Variants in HMCN2 observed in about 807,000 individuals in gnomAD.
HMCN2 encodes the protein hemicentin-2.
In HMCN2, 325 loss-of-function variants were observed where a neutral mutation model predicts 377.5. The ratio of observed to expected loss-of-function variants is 0.86; its 90% CI spans 0.79 to 0.94. The LOEUF is 0.94. Among genes scored for constraint, HMCN2 ranks in the 40% least tolerant of loss-of-function variants. The pLI is 0.00. For missense variants in HMCN2, 4,543 were observed against 4,725.3 expected (o/e 0.96, Z 1.13); for synonymous variants, 2,007 against 2,046.8 (o/e 0.98, Z 0.53).
At position 130,356,155 on chromosome 9, in the gene HMCN2, C is replaced by A; in HGVS notation, c.5323C>A (p.Leu1775Met). Residue 1775 changes from leucine to methionine, a missense_variant, in exon 34 of 98, where the codon CTG (leucine) becomes ATG (methionine). By Grantham distance (15) the Leu-to-Met change is conservative. Around this residue, in one of 5 missense-constraint regions of HMCN2, gnomAD observed 1,032 missense variants for 1,285.1 expected, o/e 0.80. Coordinates refer to ENST00000683500, the MANE Select transcript of HMCN2 (RefSeq NM_001291815.2). ...GVQVASQGTT[L>M]HIDHVELDHS... is the part of the protein sequence containing the mutation. ...GCAGGTGGCCTCGCAGGGGACCACA[C>A]TGCACATTGACCATGTGGAGCTGGA... is the stretch of plus-strand genomic sequence containing the variant. 7.7e-7 allele frequency: 1 copy of A among 1,302,944 alleles called. No homozygotes were observed. Among genetic ancestry groups the A allele is most frequent in the Non-Finnish European group, 1.0e-6 (1 of 988,862 alleles). 80.7% of individuals were successfully genotyped at this position (1,302,944 alleles called of 1,614,324 possible).
intron 15 of HMCN2, among the ~76,000 whole-genome samples, chr9:130,313,339 C>A (rs1281412217): frequency 6.8e-6 from 1 of 146,418 alleles, no homozygotes; most frequent in Non-Finnish European, 1.5e-5. Flanking sequence ...CTCCTCTGTG[C>A]CAGGAGGGCC....
chr9:130,400,886 C>T lies in HMCN2; in HGVS notation c.11709C>T (p.Ser3903=), dbSNP rs1302503235. 2.3e-6 allele frequency: 3 copies of T among 1,289,494 alleles called. No homozygotes were observed. The highest frequency in any genetic ancestry group is 3.0e-6 in the Non-Finnish European group (3 of 988,724). The allele number at this position is 1,289,494 out of a possible 1,614,324, so 79.9% of individuals were successfully genotyped here. Residue 3903 remains serine, a synonymous_variant, in exon 77 of 98, where the codon TCC becomes TCT. Transcript: ENST00000683500. Reference sequence around the variant, plus strand: ...CGGGTATACCAGCTCCGACCGTGTCCTGGAGCAAGGCAGGCGCCCAGCTAG... The same window carrying T: ...CGGGTATACCAGCTCCGACCGTGTCTTGGAGCAAGGCAGGCGCCCAGCTAG... The part of the protein sequence containing the change: ...HSTGIPAPTV[S]WSKAGAQLGA...
At position 130,304,276 on chromosome 9, in the gene HMCN2, C is replaced by A. The variant is rs1443621853; in HGVS notation, c.1544-454C>A. 1.3e-5 allele frequency among the ~76,000 whole-genome samples: 2 copies of A among 152,148 alleles called. No individual in the cohort carries two copies. The highest frequency in any genetic ancestry group is 4.8e-5 in the African/African-American group (2 of 41,416). On this transcript the variant is annotated intron_variant, in intron 10 of 97. Transcript: ENST00000683500. The surrounding 1 kb of genome is among the most constrained non-coding windows in gnomAD (Gnocchi z 4.3). ...TTGTGGCTTTTTGCTATCCAGATAG[C>A]AGTTTGCTTAGCGCTTTCCTCCTTG...
At chr9:130,355,241 G>A (rs948823699) in intron 32 of HMCN2, among the ~76,000 whole-genome samples, 197 bp downstream of exon 32, 1 of 152,164 alleles carries the variant, frequency 6.6e-6, no homozygotes, top group African/African-American at 2.4e-5. Context: ...GGGCAGGGTG[G>A]AGCCCCAGGA....
Position 130,370,970 on chromosome 9 carries a change from C to T in HMCN2, c.7076C>T (p.Pro2359Leu). 1 of 986,270 alleles carries T rather than the reference C, an allele frequency of 1.0e-6. No homozygotes were observed. The highest frequency in any genetic ancestry group is 1.2e-6 in the Non-Finnish European group (1 of 830,242). 61.1% of individuals were successfully genotyped at this position (986,270 alleles called of 1,614,324 possible). A position where few individuals can be genotyped will look rare whatever the true frequency, so the allele number is the denominator to read the frequency against. The change falls in exon 46 of 98, where the codon CCA (proline) becomes CTA (leucine). Residue 2359 changes from proline to leucine, a missense_variant. Around this residue, in one of 5 missense-constraint regions of HMCN2, gnomAD observed 1,032 missense variants for 1,285.1 expected, o/e 0.80. Coordinates refer to ENST00000683500, the MANE Select transcript of HMCN2 (RefSeq NM_001291815.2). ...GCTTCTTCTTTGTGTCCAGTGCCCC[C>T]AGAGCTCATTGGAGACTTGGACCCG... ...RKFELSVLVP[P>L]ELIGDLDPLT... is the part of the protein sequence containing the mutation.
chr9:130,330,247 G>C (rs1338450939), intron 22 of HMCN2, among the ~76,000 whole-genome samples: 1 of 152,070 alleles, frequency 6.6e-6, no homozygotes, highest in Non-Finnish European at 1.5e-5. Context: ...CTTCCCTGCT[G>C]AGCTGCCCCA....
Position 130,394,261 on chromosome 9 carries a change from A to T in HMCN2, c.10502-124A>T. On this transcript the variant is annotated intron_variant, in intron 68 of 97. Transcript: ENST00000683500. The surrounding 1 kb of genome is among the most constrained non-coding windows in gnomAD (Gnocchi z 5.1). ...TCTTTCCACCAAACCTTGGTGGCAG[A>T]TGCAAGAACAAGGGCCACCAAAATG... The T allele has an allele frequency of 4.8e-6, 3 of 626,936 alleles. No homozygotes were observed. The highest frequency in any genetic ancestry group is 1.8e-5 in the South Asian group (1 of 54,590). The allele number at this position is 626,936 out of a possible 1,614,324, so 38.8% of individuals were successfully genotyped here. A position where few individuals can be genotyped will look rare whatever the true frequency, so the allele number is the denominator to read the frequency against.
chr9:130,405,402 G>A (rs1279019669), intron 81 of HMCN2, among the ~76,000 whole-genome samples: 1 of 152,212 alleles, frequency 6.6e-6, no homozygotes, highest in Non-Finnish European at 1.5e-5. Flanking sequence ...TGGGTTTTGG[G>A]GAGTGTTGAG....
intron 15 of HMCN2, among the ~76,000 whole-genome samples, chr9:130,317,980 C>T (rs2131391522): frequency 1.3e-5 from 2 of 152,112 alleles, no homozygotes; most frequent in Non-Finnish European, 2.9e-5. Context: ...TTGTGGTGTT[C>T]TGCTCCAGGT....
In HMCN2 at chr9:130,377,872, G is replaced by A. The variant is rs537651728; in HGVS notation, c.8212+73G>A. ...ACATTGTGGGGCTGGCCCTCCGCAGGCCCCCACCATGTGTCCTGCAGCTCA... is the reference window on the plus strand; with the variant it reads ...ACATTGTGGGGCTGGCCCTCCGCAGACCCCCACCATGTGTCCTGCAGCTCA... On this transcript the variant is annotated intron_variant, in intron 53 of 97. Coordinates refer to ENST00000683500, the MANE Select transcript of HMCN2 (RefSeq NM_001291815.2). The A allele has an allele frequency of 4.1e-6, 4 of 966,408 alleles. No homozygotes were observed. The African/African-American group carries it at 7.0e-5, about 17-fold the overall frequency. 59.9% of individuals were successfully genotyped at this position (966,408 alleles called of 1,614,324 possible).
At chr9:130,371,423 A>AC (rs1841015687) in intron 46 of HMCN2, among the ~76,000 whole-genome samples, 1 of 151,662 alleles carries the variant, frequency 6.6e-6, no homozygotes, top group African/African-American at 2.4e-5. Flanking sequence ...AGAAAAAAAA[A>AC]AAACAAACTT....
chr9:130,358,795 T>G (rs1385633855), intron 36 of HMCN2, among the ~76,000 whole-genome samples: 1 of 152,012 alleles, frequency 6.6e-6, no homozygotes, highest in Non-Finnish European at 1.5e-5. Flanking sequence ...TGCCTCAGCC[T>G]CCCGAGCAGC....
chr9:130,420,376 T>G (rs1349275773), intron 86 of HMCN2, among the ~76,000 whole-genome samples: 1 of 152,060 alleles, frequency 6.6e-6, no homozygotes, highest in Admixed American at 6.6e-5. Context: ...GCCCGGCCCG[T>G]CCCACTTCTT....
chr9:130,430,620 G>A lies in HMCN2; in HGVS notation c.14647+16G>A. 6.5e-7 allele frequency: 1 copy of A among 1,537,086 alleles called. No homozygotes were observed. The highest frequency in any genetic ancestry group is 8.8e-7 in the Non-Finnish European group (1 of 1,137,808). ...GTCTGCACAGGTAAGGCCAGGCCCT[G>A]ACCATCCACGGGACACTGCCGTTAT... is the stretch of plus-strand genomic sequence containing the variant. On this transcript the variant is annotated intron_variant, in intron 95 of 97. Transcript: ENST00000683500.
At position 130,351,388 on chromosome 9, in the gene HMCN2, C is replaced by A; in HGVS notation, c.4431-35C>A. The A allele has an allele frequency of 7.8e-7, 1 of 1,286,952 alleles. No individual in the cohort carries two copies. The highest frequency in any genetic ancestry group is 1.0e-6 in the Non-Finnish European group (1 of 976,992). The allele number at this position is 1,286,952 out of a possible 1,614,324, so 79.7% of individuals were successfully genotyped here. A position where few individuals can be genotyped will look rare whatever the true frequency, so the allele number is the denominator to read the frequency against. ...CAGCGTGTCCCATCCAGCCCCTCGGCCTTACTGGCGCTTTTCCCTTGCCCG... is the reference window on the plus strand; with the variant it reads ...CAGCGTGTCCCATCCAGCCCCTCGGACTTACTGGCGCTTTTCCCTTGCCCG... On this transcript the variant is annotated intron_variant, in intron 29 of 97. Transcript: ENST00000683500. This position sits in a 1 kb window ranked among gnomAD's most constrained non-coding sequence, Gnocchi z 5.4.
At position 130,394,881 on chromosome 9, in the gene HMCN2, G is replaced by A. The variant is rs1368951554; in HGVS notation, c.10693-146G>A. ...CTAAAGCAACAGTGAGATGGAGGGA[G>A]AGGGCGTGGGTTGGCTGGGAGGTGG... On this transcript the variant is annotated intron_variant, in intron 69 of 97. Coordinates refer to ENST00000683500, the MANE Select transcript of HMCN2 (RefSeq NM_001291815.2). This position sits in a 1 kb window ranked among gnomAD's most constrained non-coding sequence, Gnocchi z 5.1. The A allele has an allele frequency of 2.3e-6, 1 of 426,930 alleles. No individual in the cohort carries two copies. Among genetic ancestry groups the A allele is most frequent in the Non-Finnish European group, 4.2e-6 (1 of 240,668 alleles). The allele number at this position is 426,930 out of a possible 1,614,324, so 26.4% of individuals were successfully genotyped here.
At chr9:130,346,783 G>T (rs953209951) in intron 25 of HMCN2, among the ~76,000 whole-genome samples, 1 of 152,032 alleles carries the variant, frequency 6.6e-6, no homozygotes, top group Non-Finnish European at 1.5e-5. Context: ...GCATAGACGC[G>T]TCCTCTGATC....
chr9:130,342,635 A>G (rs1406578702), intron 25 of HMCN2, among the ~76,000 whole-genome samples, 199 bp downstream of exon 25: 1 of 152,188 alleles, frequency 6.6e-6, no homozygotes, highest in Non-Finnish European at 1.5e-5. Context: ...GGGGCAATCC[A>G]GGCCCAAGGG....
At position 130,299,216 on chromosome 9, in the gene HMCN2, G is replaced by A. The variant is rs1254957712; in HGVS notation, c.1204G>A (p.Val402Met). ...CCCCAAGGAGCGCTTCTACCTCAAG[G>A]TGAAGGGCAAGGACCATGAGGGAAA... is the stretch of plus-strand genomic sequence containing the variant. Reference protein sequence around the residue: ...HTPKERFYLKVKGKDHEGNPL... With the variant: ...HTPKERFYLKMKGKDHEGNPL... Residue 402 changes from valine (V) to methionine (M), a missense_variant, in exon 8 of 98, where the codon GTG becomes ATG. By Grantham distance (21) the Val-to-Met change is conservative. Around this residue, in one of 5 missense-constraint regions of HMCN2, gnomAD observed 547 missense variants for 189.9 expected, o/e 2.88. Coordinates refer to ENST00000683500, the MANE Select transcript of HMCN2 (RefSeq NM_001291815.2). The A allele has an allele frequency of 1.5e-5, 7 of 470,972 alleles. No individual in the cohort carries two copies. In the Admixed American group the frequency reaches 1.6e-4, roughly 11 times the overall value. The allele number at this position is 470,972 out of a possible 1,614,324, so 29.2% of individuals were successfully genotyped here.
Sources: gnomAD v4.1 joint callset for allele counts (sites outside exome capture counted in the v4.1 genomes callset) on GRCh38, gnomAD v4.1.1 for gene constraint, gnomAD v4.1.1 regional missense constraint, Gnocchi (gnomAD v3.1) non-coding constraint, MANE v1.5 for transcripts, NCBI Gene and HGNC (gene_info 2026-07-23, HGNC 2026-07-21) for gene names.